The following FOXN3 variants were observed in gnomAD, a reference collection of about 807,000 sequenced individuals.
The protein encoded by FOXN3 is forkhead box N3.
Under a neutral mutation model 38.4 loss-of-function variants are expected in FOXN3, and 7 were observed. That is an observed-to-expected ratio of 0.18 (90% CI 0.10 to 0.34). The LOEUF is 0.34. FOXN3 is among the 10% of genes least tolerant of loss of function. FOXN3 has a pLI of 1.00. For missense variants in FOXN3, 456 were observed against 613.4 expected (o/e 0.74, Z 2.71); for synonymous variants, 230 against 242.2 (o/e 0.95, Z 0.47).
chr14:89,487,608 C>A (rs1893475663), intron 1 of FOXN3, among the ~76,000 whole-genome samples: 1 of 152,146 alleles, frequency 6.6e-6, no homozygotes, highest in Admixed American at 6.5e-5. Context: ...AATAAAATCA[C>A]CCTACTCTAC....
intron 4 of FOXN3, among the ~76,000 whole-genome samples, chr14:89,234,446 T>C (rs1307839633): frequency 6.6e-6 from 1 of 152,008 alleles, no homozygotes; most frequent in Non-Finnish European, 1.5e-5. Flanking sequence ...TCCACCCAAA[T>C]CTCATGTTGA....
chr14:89,379,475 C>T (rs1329648451), intron 2 of FOXN3, among the ~76,000 whole-genome samples: 1 of 152,076 alleles, frequency 6.6e-6, no homozygotes, highest in Non-Finnish European at 1.5e-5. Context: ...AGACCGCTCC[C>T]CCGACAATCT....
At chr14:89,606,576 G>T (rs1334463391) in intron 1 of FOXN3, among the ~76,000 whole-genome samples, 1 of 152,198 alleles carries the variant, frequency 6.6e-6, no homozygotes, top group Non-Finnish European at 1.5e-5. Context: ...GTAGCCGGGC[G>T]CAGTGGCTCA....
chr14:89,385,731 C>T (rs572698099), intron 2 of FOXN3, among the ~76,000 whole-genome samples: 17 of 152,280 alleles, frequency 1.1e-4, no homozygotes, highest in African/African-American at 3.8e-4. Context: ...TGCTTGAACC[C>T]AGGACGCGGA....
At chr14:89,380,627 G>A (rs1890617981) in intron 2 of FOXN3, among the ~76,000 whole-genome samples, 1 of 152,222 alleles carries the variant, frequency 6.6e-6, no homozygotes, top group Non-Finnish European at 1.5e-5. Context: ...AGTCGTATCA[G>A]CAATCACCTG....
In FOXN3 at chr14:89,417,037, G is replaced by C. The variant is rs1229364181; in HGVS notation, c.-181C>G. On this transcript the variant is annotated 5_prime_UTR_variant, in exon 1 of 6. Transcript: ENST00000557258. Reference sequence around the variant, plus strand: ...GGCGGCGGGGGGCGGCCGCGGGCGCGGGCGGCAGGGGCGCGGGGGTCGCGG... The same window carrying C: ...GGCGGCGGGGGGCGGCCGCGGGCGCCGGCGGCAGGGGCGCGGGGGTCGCGG... 6.9e-6 allele frequency: 1 copy of C among 144,944 alleles called. No homozygotes were observed. The highest frequency in any genetic ancestry group is 1.5e-5 in the Non-Finnish European group (1 of 65,348). The allele number at this position is 144,944 out of a possible 1,614,324, so 9.0% of individuals were successfully genotyped here.
At chr14:89,337,082 G>A (rs115385401) in intron 3 of FOXN3, among the ~76,000 whole-genome samples, 1,730 of 152,170 alleles carry the variant, frequency 0.011, 28 homozygotes, top group African/African-American at 0.04. Context: ...CCCAAGAGAG[G>A]GGTCCTTAGG....
intron 1 of FOXN3, among the ~76,000 whole-genome samples, chr14:89,476,566 A>C (rs1418412171): frequency 1.3e-5 from 2 of 152,238 alleles, no homozygotes; most frequent in African/African-American, 4.8e-5. Flanking sequence ...TCATATGCAC[A>C]CATCAGAGTG....
rs140540850 is a variant in FOXN3, at chr14:89,488,280, G to A, written c.-14-75790C>T. Among the ~76,000 whole-genome samples, 1,428 of 151,958 alleles carry A rather than the reference G, an allele frequency of 9.4e-3. 25 individuals carry two copies. Among genetic ancestry groups the A allele is most frequent in the African/African-American group, 0.033 (1,367 of 41,428 alleles). On this transcript the variant is annotated intron_variant, in intron 1 of 6. Coordinates refer to the FOXN3 transcript ENST00000345097. ...GTACTTTTAGTACAGACAGGGTTTCGCCATGTTGGTCAGGCTGGGGGCTCC... is the reference window on the plus strand; with the variant it reads ...GTACTTTTAGTACAGACAGGGTTTCACCATGTTGGTCAGGCTGGGGGCTCC...
Position 89,593,574 on chromosome 14 carries a change from C to T in FOXN3, c.-15+25454G>A, listed in dbSNP as rs1486566081. On this transcript the variant is annotated intron_variant, in intron 1 of 6. Transcript: ENST00000345097. Reference sequence around the variant, plus strand: ...GAAAAGAAGGGGTAAGGTCTATATTCTCATCACAATAAGTCTATGCATAAT... The same window carrying T: ...GAAAAGAAGGGGTAAGGTCTATATTTTCATCACAATAAGTCTATGCATAAT... 4.3e-4 allele frequency among the ~76,000 whole-genome samples: 65 copies of T among 152,188 alleles called. 1 individual carries two copies. Among genetic ancestry groups the T allele is most frequent in the Admixed American group, 4.3e-3 (65 of 15,282 alleles).
chr14:89,164,894 T>A lies in FOXN3; in HGVS notation c.852-1925A>T. On this transcript the variant is annotated intron_variant, in intron 5 of 5. Transcript: ENST00000557258. The surrounding 1 kb of genome is among the most constrained non-coding windows in gnomAD (Gnocchi z 4.3). The stretch of plus-strand genomic sequence containing the variant: ...GTGAAAGGGGAAGGGAAAGAGTCCC[T>A]AATGAAAAGGGTGCAGTAGGGAGTG... Among the ~76,000 whole-genome samples, 1 of 151,830 alleles carries A rather than the reference T, an allele frequency of 6.6e-6. No individual in the cohort carries two copies. The highest frequency in any genetic ancestry group is 1.9e-4 in the East Asian group (1 of 5,152).
intron 1 of FOXN3, among the ~76,000 whole-genome samples, chr14:89,542,971 C>T (rs147619871): frequency 1.2e-3 from 186 of 152,318 alleles, no homozygotes; most frequent in Non-Finnish European, 2.1e-3. Context: ...GGGCTGCCAG[C>T]AGCACAAACT....
At chr14:89,243,437 T>C (rs376462743) in intron 4 of FOXN3, among the ~76,000 whole-genome samples, 10 of 152,312 alleles carry the variant, frequency 6.6e-5, no homozygotes, top group African/African-American at 2.2e-4. Flanking sequence ...CCGCATTGTA[T>C]TATAAATAGC....
chr14:89,498,662 G>A (rs1893737016), intron 1 of FOXN3, among the ~76,000 whole-genome samples: 1 of 152,048 alleles, frequency 6.6e-6, no homozygotes, highest in Non-Finnish European at 1.5e-5. Context: ...GCTACTGTTG[G>A]GTGAAAGAGG....
intron 1 of FOXN3, among the ~76,000 whole-genome samples, chr14:89,600,720 T>C (rs1896138480): frequency 6.6e-6 from 1 of 152,198 alleles, no homozygotes; most frequent in Non-Finnish European, 1.5e-5. Flanking sequence ...AGTTAACTAT[T>C]ACAGCCTGCC....
At chr14:89,244,864 C>T (rs573639400) in intron 4 of FOXN3, among the ~76,000 whole-genome samples, 4 of 152,296 alleles carry the variant, frequency 2.6e-5, no homozygotes, top group African/African-American at 9.6e-5. Context: ...GCACTGGGCA[C>T]CTGTGCGTTC....
intron 1 of FOXN3, among the ~76,000 whole-genome samples, chr14:89,447,856 TG>T (rs1232152841): frequency 2.8e-5 from 4 of 141,362 alleles, no homozygotes; most frequent in Middle Eastern, 4.0e-3. Context: ...CTCACACTGT[TG>T]CCCAAGCTGG....
intron 3 of FOXN3, among the ~76,000 whole-genome samples, chr14:89,300,474 G>A (rs1407979534): frequency 2.6e-5 from 4 of 152,120 alleles, no homozygotes; most frequent in African/African-American, 7.2e-5. Context: ...GAGCCACTGT[G>A]CCCAGCCAAG....
chr14:89,514,988 C>T (rs1048827432), intron 1 of FOXN3, among the ~76,000 whole-genome samples: 3 of 151,870 alleles, frequency 2.0e-5, no homozygotes, highest in African/African-American at 7.3e-5. Flanking sequence ...AGCACAATCT[C>T]GGCTCATTGC....
Sources: allele counts gnomAD v4.1 joint callset (sites outside exome capture counted in the v4.1 genomes callset), GRCh38; gene constraint gnomAD v4.1.1; non-coding constraint Gnocchi (gnomAD v3.1); transcripts MANE v1.5; gene names NCBI Gene and HGNC (gene_info 2026-07-23, HGNC 2026-07-21).